Variants in DACH1 observed in about 807,000 individuals in gnomAD.
The protein encoded by DACH1 is dachshund homolog 1.
In DACH1, 12 loss-of-function variants were observed where a neutral mutation model predicts 54.2. The ratio of observed to expected loss-of-function variants is 0.22; its 90% CI spans 0.14 to 0.36. The LOEUF (loss-of-function observed/expected upper bound fraction) is 0.36, where lower values mean the gene tolerates loss of function less well. Among genes scored for constraint, DACH1 ranks in the 10% least tolerant of loss-of-function variants. DACH1 has a pLI of 1.00. For synonymous variants in DACH1, 386 were observed against 366.2 expected (o/e 1.05, Z -0.62); for missense variants, 805 against 929.8 (o/e 0.87, Z 1.75).
At chr13:71,660,977 A>C (rs1265414921) in intron 2 of DACH1, among the ~76,000 whole-genome samples, 2 of 149,844 alleles carry the variant, frequency 1.3e-5, no homozygotes, top group African/African-American at 4.9e-5. Context: ...AAAATAATAA[A>C]AAAAAGGACA....
chr13:71,511,999 G>T lies in DACH1; in HGVS notation c.1571-22851C>A, dbSNP rs766134689. 1.3e-5 allele frequency among the ~76,000 whole-genome samples: 2 copies of T among 151,818 alleles called. 1 individual carries two copies. The highest frequency in any genetic ancestry group is 2.9e-5 in the Non-Finnish European group (2 of 67,898). On this transcript the variant is annotated intron_variant, in intron 6 of 10. Coordinates refer to ENST00000613252, the MANE Select transcript of DACH1 (RefSeq NM_080759.6). ...ATTTATTCCTAAAACTGTAACTGAG[G>T]TCCATTCTATACCAGAAAGTGTGTC...
intron 1 of DACH1, among the ~76,000 whole-genome samples, chr13:71,773,450 T>A (rs1194379282): frequency 6.6e-6 from 1 of 151,946 alleles, no homozygotes. Flanking sequence ...GCATTAATAC[T>A]GTGTTCTATT....
At chr13:71,779,104 T>TATATATACATATATACAC (rs1251723637) in intron 1 of DACH1, among the ~76,000 whole-genome samples, 8 of 130,560 alleles carry the variant, frequency 6.1e-5, no homozygotes, top group South Asian at 4.4e-4. Context: ...GCTGAATATA[T>TATATATACATATATACAC]ATATATACAT....
intron 2 of DACH1, among the ~76,000 whole-genome samples, chr13:71,655,209 A>G (rs930356582): frequency 1.3e-5 from 2 of 152,126 alleles, no homozygotes; most frequent in Non-Finnish European, 2.9e-5. Flanking sequence ...TTTGATACAC[A>G]TATCATAATG....
intron 1 of DACH1, among the ~76,000 whole-genome samples, chr13:71,720,794 T>G (rs1044549090): frequency 1.1e-4 from 16 of 152,306 alleles, no homozygotes; most frequent in African/African-American, 2.9e-4. Flanking sequence ...TCTCTAAACT[T>G]TACTTATCAG....
chr13:71,672,113 T>C lies in DACH1; in HGVS notation c.964+9682A>G, dbSNP rs577273131. 3.9e-4 allele frequency among the ~76,000 whole-genome samples: 60 copies of C among 152,232 alleles called. 1 individual carries two copies. The highest frequency in any genetic ancestry group is 6.8e-3 in the Middle Eastern group (2 of 294). On this transcript the variant is annotated intron_variant, in intron 2 of 10. Transcript: ENST00000613252. The stretch of plus-strand genomic sequence containing the variant: ...ATAATATTCCAGATGCCATCTGAAG[T>C]GTAGAGCAAAATAGTACTGTTCTTT...
At chr13:71,598,548 C>T (rs932947048) in intron 3 of DACH1, among the ~76,000 whole-genome samples, 4 of 152,072 alleles carry the variant, frequency 2.6e-5, no homozygotes, top group African/African-American at 7.2e-5. Context: ...CCACTGCGCC[C>T]GGCCTGACGC....
In DACH1 at chr13:71,730,003, C is replaced by T. The variant is rs558343402; in HGVS notation, c.849-48093G>A. On this transcript the variant is annotated intron_variant, in intron 1 of 10. Transcript: ENST00000613252. ...GTTATTCTGTATATATGTATCATGT[C>T]TATAAAGAAACATAAGATTAAAGAC... Among the ~76,000 whole-genome samples, 30 of 152,038 alleles carry T rather than the reference C, an allele frequency of 2.0e-4. 1 individual carries two copies. In the South Asian group the frequency reaches 5.8e-3, roughly 29 times the overall value.
At chr13:71,643,965 A>G (rs548428687) in intron 2 of DACH1, among the ~76,000 whole-genome samples, 1 of 152,296 alleles carries the variant, frequency 6.6e-6, no homozygotes, top group South Asian at 2.1e-4. Context: ...GTCAGCTTTG[A>G]ACAATATTAA....
intron 2 of DACH1, 110 bp downstream of exon 2, chr13:71,681,685 A>C (rs576446907): frequency 3.2e-6 from 2 of 634,872 alleles, no homozygotes; most frequent in Admixed American, 5.9e-5. Context: ...CTTAGTGTGC[A>C]CAAAATATAA....
chr13:71,731,672 T>A (rs1250814160), intron 1 of DACH1, among the ~76,000 whole-genome samples: 1 of 152,182 alleles, frequency 6.6e-6, no homozygotes, highest in Non-Finnish European at 1.5e-5. Context: ...AATCGTAGAC[T>A]AGACTCCGCT....
chr13:71,462,232 T>C (rs1931480), intron 10 of DACH1, among the ~76,000 whole-genome samples: 131,074 of 151,878 alleles, frequency 0.86, 59,285 homozygotes, highest in Non-Finnish European at 0.99. Context: ...CAAATCATAT[T>C]AGGAGAAATT....
At chr13:71,769,509 T>C (rs1885767499) in intron 1 of DACH1, among the ~76,000 whole-genome samples, 1 of 151,704 alleles carries the variant, frequency 6.6e-6, no homozygotes, top group African/African-American at 2.4e-5. Context: ...ATCTACATTG[T>C]TATCAAGCAC....
At chr13:71,490,484 G>A (rs1415884541) in intron 6 of DACH1, among the ~76,000 whole-genome samples, 1 of 152,180 alleles carries the variant, frequency 6.6e-6, no homozygotes, top group African/African-American at 2.4e-5. Context: ...TCACACTCAC[G>A]ACTTTGCAGT....
intron 6 of DACH1, among the ~76,000 whole-genome samples, chr13:71,496,525 ATAGAGTG>A (rs1376234919): frequency 6.6e-6 from 1 of 151,796 alleles, no homozygotes; most frequent in Non-Finnish European, 1.5e-5. Context: ...GTACAAGGAC[ATAGAGTG>A]TAGACTGATA....
At chr13:71,631,701 G>A (rs141560253) in intron 2 of DACH1, among the ~76,000 whole-genome samples, 6 of 152,272 alleles carry the variant, frequency 3.9e-5, no homozygotes, top group African/African-American at 1.2e-4. Context: ...GCACACTCTG[G>A]CCTCGGAGTT....
intron 9 of DACH1, 31 bp downstream of exon 9, chr13:71,475,675 G>A (rs1414927970): frequency 6.3e-7 from 1 of 1,583,834 alleles, no homozygotes. Flanking sequence ...AAAAATGACA[G>A]TTATTCATGC....
chr13:71,498,038 G>A (rs1879593836), intron 6 of DACH1, among the ~76,000 whole-genome samples: 1 of 151,850 alleles, frequency 6.6e-6, no homozygotes, highest in African/African-American at 2.4e-5. Flanking sequence ...GAGTTTGAGT[G>A]AATAAAAGAA....
intron 1 of DACH1, among the ~76,000 whole-genome samples, chr13:71,782,815 A>G (rs973273250): frequency 6.6e-6 from 1 of 152,206 alleles, no homozygotes; most frequent in Non-Finnish European, 1.5e-5. Flanking sequence ...GTGTAGTAAT[A>G]GGTATTATTG....
Sources: gnomAD v4.1 joint callset for allele counts (sites outside exome capture counted in the v4.1 genomes callset) on GRCh38, gnomAD v4.1.1 for gene constraint, MANE v1.5 for transcripts, NCBI Gene and HGNC (gene_info 2026-07-23, HGNC 2026-07-21) for gene names.